Variants in GLS observed in about 807,000 individuals in gnomAD.
GLS encodes glutaminase.
Under a neutral mutation model 86.7 loss-of-function variants are expected in GLS, and 36 were observed. The ratio of observed to expected loss-of-function variants is 0.42; its 90% CI spans 0.32 to 0.55. The LOEUF (loss-of-function observed/expected upper bound fraction) is 0.55. GLS is among the 20% of genes least tolerant of loss of function. GLS has a pLI of 0.17. For missense variants in GLS, 528 were observed against 833.4 expected, an observed-to-expected ratio of 0.63 and a Z score of 4.51; for synonymous variants, 317 against 305.9, an observed-to-expected ratio of 1.04 and a Z score of -0.38.
chr2:190,881,182 C>G lies in GLS; in HGVS notation c.98C>G (p.Thr33Ser), dbSNP rs947815233. Residue 33 changes from threonine to serine, a missense_variant, in exon 1 of 18, where the codon ACC becomes AGC. Physicochemically the swap from Thr to Ser is moderately conservative, Grantham distance 58 (BLOSUM62 1). Around this residue, in one of 4 missense-constraint regions of GLS, gnomAD observed 224 missense variants for 187.9 expected, o/e 1.19. Coordinates refer to ENST00000320717, the MANE Select transcript of GLS (RefSeq NM_014905.5). ...CTGCGGCGGGCACAGCCCTTGGTCA[C>G]CCTGTGCCGGCGTCCCCGAGGCGGG... ...ATLRRAQPLV[T>S]LCRRPRGGGR... is the part of the protein sequence containing the mutation. 2.1e-6 allele frequency: 3 copies of G among 1,407,994 alleles called. No individual in the cohort carries two copies. Among genetic ancestry groups the G allele is most frequent in the Non-Finnish European group, 2.8e-6 (3 of 1,083,656 alleles). The allele number at this position is 1,407,994 out of a possible 1,614,324, so 87.2% of individuals were successfully genotyped here.
chr2:190,961,250 G>A (rs1690993754), intron 17 of GLS, among the ~76,000 whole-genome samples: 1 of 152,218 alleles, frequency 6.6e-6, no homozygotes, highest in African/African-American at 2.4e-5. Context: ...CCAGGCTGGA[G>A]TGCAGTGGCG....
chr2:190,923,983 G>T lies in GLS; in HGVS notation c.1197G>T (p.Lys399Asn). 7.2e-7 allele frequency: 1 copy of T among 1,395,066 alleles called. No individual in the cohort carries two copies. The highest frequency in any genetic ancestry group is 1.4e-5 in the African/African-American group (1 of 69,254). 86.4% of individuals were successfully genotyped at this position (1,395,066 alleles called of 1,614,324 possible). Reference protein sequence around the residue: ...FAIGYYLKEKKCFPEGTDMVG... With the variant: ...FAIGYYLKEKNCFPEGTDMVG... Reference sequence around the variant, plus strand: ...TAGGATATTACTTAAAAGAAAAGAAGGTTTTTAAATTTTTGTTTCTATTTC... The same window carrying T: ...TAGGATATTACTTAAAAGAAAAGAATGTTTTTAAATTTTTGTTTCTATTTC... The change falls in exon 10 of 18, where the codon AAG becomes AAT. Residue 399 changes from lysine (K) to asparagine (N), a missense_variant and splice_region_variant. Physicochemically the swap from Lys to Asn is moderately conservative, Grantham distance 94. Transcript: ENST00000320717.
At position 190,913,361 on chromosome 2, in the gene GLS, A is replaced by G. The variant is rs1689422612; in HGVS notation, c.1038+3040A>G. 2 of 1,093,044 alleles carry G rather than the reference A, an allele frequency of 1.8e-6. No individual in the cohort carries two copies. Among genetic ancestry groups the G allele is most frequent in the Non-Finnish European group, 2.3e-6 (2 of 851,232 alleles). The allele number at this position is 1,093,044 out of a possible 1,614,324, so 67.7% of individuals were successfully genotyped here. ...TATTTAAAATTTTAAACAAAGCTAT[A>G]TAGGTAAATACCTTTTTAAAAACAA... On this transcript the variant is annotated intron_variant, in intron 7 of 17. Transcript: ENST00000320717. The surrounding 1 kb of genome is among the most constrained non-coding windows in gnomAD (Gnocchi z 6.1).
In GLS at chr2:190,921,070, G is replaced by A. The variant is rs376682249; in HGVS notation, c.1071+14G>A. 3.2e-5 allele frequency: 51 copies of A among 1,586,490 alleles called. No homozygotes were observed. The highest frequency in any genetic ancestry group is 4.2e-5 in the Non-Finnish European group (48 of 1,155,858). On this transcript the variant is annotated intron_variant, in intron 8 of 17. Transcript: ENST00000320717. The surrounding 1 kb of genome is among the most constrained non-coding windows in gnomAD (Gnocchi z 4.2). Reference sequence around the variant, plus strand: ...AAATTTGACTATGTAAGTGCAACATGTCATTCAGTTTTCATGCCACATTCT... The same window carrying A: ...AAATTTGACTATGTAAGTGCAACATATCATTCAGTTTTCATGCCACATTCT...
In GLS at chr2:190,921,764, T is replaced by G. The variant is rs889024790; in HGVS notation, c.1130+561T>G. 6.6e-6 allele frequency among the ~76,000 whole-genome samples: 1 copy of G among 151,948 alleles called. No individual in the cohort carries two copies. On this transcript the variant is annotated intron_variant, in intron 9 of 17. Coordinates refer to ENST00000320717, the MANE Select transcript of GLS (RefSeq NM_014905.5). This position sits in a 1 kb window ranked among gnomAD's most constrained non-coding sequence, Gnocchi z 4.2. ...ACATACAGTCTAAGAATAAGGACAT[T>G]CTCCTACATAACCACAATACCATTA... is the stretch of plus-strand genomic sequence containing the variant.
At position 190,921,673 on chromosome 2, in the gene GLS, T is replaced by A. The variant is rs1689741940; in HGVS notation, c.1130+470T>A. On this transcript the variant is annotated intron_variant, in intron 9 of 17. Transcript: ENST00000320717. The surrounding 1 kb of genome is among the most constrained non-coding windows in gnomAD (Gnocchi z 4.2). Reference sequence around the variant, plus strand: ...ATATGTAAATATATATGTACATAGATTTTTTTTCCCTAAACCATTTCAAAT... The same window carrying A: ...ATATGTAAATATATATGTACATAGAATTTTTTTCCCTAAACCATTTCAAAT... Among the ~76,000 whole-genome samples, 1 of 151,830 alleles carries A rather than the reference T, an allele frequency of 6.6e-6. No individual in the cohort carries two copies. The highest frequency in any genetic ancestry group is 6.6e-5 in the Admixed American group (1 of 15,226).
chr2:190,884,164 T>G (rs1559312144), intron 1 of GLS, among the ~76,000 whole-genome samples: 1 of 152,230 alleles, frequency 6.6e-6, no homozygotes, highest in Non-Finnish European at 1.5e-5. Context: ...TTTTTGAATT[T>G]CCTCACTGGG....
At chr2:190,911,100 A>G (rs891954057) in intron 7 of GLS, among the ~76,000 whole-genome samples, 2 of 151,222 alleles carry the variant, frequency 1.3e-5, no homozygotes, top group Admixed American at 6.6e-5. Flanking sequence ...ATATTTAAAT[A>G]AATTTTATTT....
At chr2:190,881,653 G>A (rs985496534) in intron 1 of GLS, 183 bp downstream of exon 1, 4 of 563,858 alleles carry the variant, frequency 7.1e-6, no homozygotes, top group Non-Finnish European at 1.2e-5. Context: ...CGCCTTCCCC[G>A]CCCGCAACCC....
chr2:190,883,164 G>A (rs926866408), intron 1 of GLS, among the ~76,000 whole-genome samples: 1 of 152,140 alleles, frequency 6.6e-6, no homozygotes, highest in Non-Finnish European at 1.5e-5. Context: ...GAAGTTTCTG[G>A]TTTCATTGCC....
intron 14 of GLS, among the ~76,000 whole-genome samples, chr2:190,939,765 C>G (rs1344594165): frequency 6.6e-6 from 1 of 151,726 alleles, no homozygotes; most frequent in Non-Finnish European, 1.5e-5. Context: ...TGACTTTCTT[C>G]TATTAAATGA....
At chr2:190,890,179 T>G (rs1310984581) in intron 1 of GLS, among the ~76,000 whole-genome samples, 1 of 152,110 alleles carries the variant, frequency 6.6e-6, no homozygotes, top group East Asian at 1.9e-4. Flanking sequence ...AAAATTTAAA[T>G]TAACATTTTC....
chr2:190,881,357 G>T lies in GLS; in HGVS notation c.273G>T (p.Gln91His), dbSNP rs897687240. Residue 91 changes from glutamine to histidine, a missense_variant, in exon 1 of 18, where the codon CAG becomes CAT. Transcript: ENST00000320717. The stretch of plus-strand genomic sequence containing the variant: ...TGGGCAAGGGGAGCACGCATCCGCA[G>T]CCCGGGGTGTCGCCACCCGCTGCCC... Reference protein sequence around the residue: ...QELGKGSTHPQPGVSPPAAPA... With the variant: ...QELGKGSTHPHPGVSPPAAPA... 3 of 1,538,890 alleles carry T rather than the reference G, an allele frequency of 1.9e-6. No individual in the cohort carries two copies. In the Admixed American group the frequency reaches 5.9e-5, roughly 30 times the overall value.
rs756801554 is a variant in GLS, at chr2:190,930,598, G to A, written c.1557+30G>A. On this transcript the variant is annotated intron_variant, in intron 13 of 17. Coordinates refer to ENST00000320717, the MANE Select transcript of GLS (RefSeq NM_014905.5). The surrounding 1 kb of genome is among the most constrained non-coding windows in gnomAD (Gnocchi z 5.0). ...GCATATTTTCTTAATGTAAATAATG[G>A]TGTTACAAGTTGAGCCATCCAATGA... The A allele has an allele frequency of 2.5e-6, 4 of 1,582,384 alleles. No individual in the cohort carries two copies. The highest frequency in any genetic ancestry group is 3.4e-6 in the Non-Finnish European group (4 of 1,163,394).
intron 14 of GLS, among the ~76,000 whole-genome samples, chr2:190,952,237 A>C (rs1690735113): frequency 6.6e-6 from 1 of 152,196 alleles, no homozygotes; most frequent in Non-Finnish European, 1.5e-5. Context: ...GGAATAGAAA[A>C]GGATGGCTGG....
chr2:190,886,655 C>G (rs969369820), intron 1 of GLS, among the ~76,000 whole-genome samples: 4 of 152,124 alleles, frequency 2.6e-5, no homozygotes, highest in African/African-American at 9.7e-5. Flanking sequence ...GTGGCTCATG[C>G]CCGTAATCCC....
rs1383034076 is a variant in GLS, at chr2:190,962,416, G to A, written c.1854-414G>A. 1.3e-5 allele frequency among the ~76,000 whole-genome samples: 2 copies of A among 152,172 alleles called. No homozygotes were observed. The highest frequency in any genetic ancestry group is 1.9e-4 in the East Asian group (1 of 5,194). ...GAATTGACACAAACACTAATTTTCTGTCAAAGGCTAGAGTGATGGATGTTA... is the reference window on the plus strand; with the variant it reads ...GAATTGACACAAACACTAATTTTCTATCAAAGGCTAGAGTGATGGATGTTA... On this transcript the variant is annotated intron_variant, in intron 17 of 17. Transcript: ENST00000320717. The surrounding 1 kb of genome is among the most constrained non-coding windows in gnomAD (Gnocchi z 4.2).
At chr2:190,894,729 A>G (rs899021965) in intron 1 of GLS, among the ~76,000 whole-genome samples, 6 of 152,194 alleles carry the variant, frequency 3.9e-5, no homozygotes, top group Non-Finnish European at 2.9e-5. Flanking sequence ...CAGGTTAACT[A>G]TTTGAATAAT....
At position 190,938,081 on chromosome 2, in the gene GLS, C is replaced by T. The variant is rs1234560492; in HGVS notation, c.1650+6444C>T. 3.3e-5 allele frequency among the ~76,000 whole-genome samples: 5 copies of T among 150,936 alleles called. No homozygotes were observed. Among genetic ancestry groups the T allele is most frequent in the Non-Finnish European group, 7.4e-5 (5 of 67,280 alleles). ...ATTTTTTTAAAGAAAAATTATATAC[C>T]ACATCTCAATGGCAAAGAATAATTC... On this transcript the variant is annotated intron_variant, in intron 14 of 17. Coordinates refer to ENST00000320717, the MANE Select transcript of GLS (RefSeq NM_014905.5). This position sits in a 1 kb window ranked among gnomAD's most constrained non-coding sequence, Gnocchi z 4.1.
Sources: allele counts gnomAD v4.1 joint callset (sites outside exome capture counted in the v4.1 genomes callset), GRCh38; gene constraint gnomAD v4.1.1; regional missense constraint gnomAD v4.1.1; non-coding constraint Gnocchi (gnomAD v3.1); transcripts MANE v1.5; gene names NCBI Gene and HGNC (gene_info 2026-07-23, HGNC 2026-07-21).